ULK4: variants seen among roughly 807,000 people sequenced by gnomAD.
The protein encoded by ULK4 is unc-51 like kinase 4.
In ULK4, 133 loss-of-function variants were observed where a neutral mutation model predicts 160.6. The ratio of observed to expected loss-of-function variants is 0.83; its 90% CI spans 0.72 to 0.96. ULK4 has a LOEUF of 0.96. Among genes scored for constraint, ULK4 ranks in the 40% least tolerant of loss-of-function variants. The pLI, the probability that ULK4 is intolerant of heterozygous loss-of-function variation, is 0.00. For synonymous variants in ULK4, 534 were observed against 539.8 expected, an observed-to-expected ratio of 0.99 and a Z score of 0.15; for missense variants, 1,580 against 1,499.5, an observed-to-expected ratio of 1.05 and a Z score of -0.89.
chr3:41,928,516 T>TA (rs555934775), intron 5 of ULK4, among the ~76,000 whole-genome samples: 353 of 108,672 alleles, frequency 3.2e-3, no homozygotes, highest in African/African-American at 9.7e-3. Flanking sequence ...ATGAAGGAGA[T>TA]ACAGACACGA....
chr3:41,755,341 G>T (rs2038764726), intron 21 of ULK4, among the ~76,000 whole-genome samples: 1 of 152,052 alleles, frequency 6.6e-6, no homozygotes, highest in African/African-American at 2.4e-5. Context: ...TTCCAGGTAG[G>T]AAGAATTTAC....
chr3:41,345,089 A>C lies in ULK4; in HGVS notation c.3678+52990T>G, dbSNP rs138003270. The stretch of plus-strand genomic sequence containing the variant: ...AAACCACGAGATACCGTCTCATGCC[A>C]GTCAGCATGGCTATTATTAAAAAGT... On this transcript the variant is annotated intron_variant, in intron 35 of 36. Transcript: ENST00000301831. Among the ~76,000 whole-genome samples, 4 of 152,336 alleles carry C rather than the reference A, an allele frequency of 2.6e-5. No homozygotes were observed. In the East Asian group the frequency reaches 7.7e-4, roughly 29 times the overall value.
At chr3:41,638,749 TA>T (rs1386348641) in intron 30 of ULK4, among the ~76,000 whole-genome samples, 5 of 152,228 alleles carry the variant, frequency 3.3e-5, no homozygotes, top group Non-Finnish European at 7.3e-5. Context: ...AGACTCTTGA[TA>T]TGGAAGAAGA....
chr3:41,833,023 G>A (rs867854612), intron 18 of ULK4, among the ~76,000 whole-genome samples: 3 of 152,032 alleles, frequency 2.0e-5, no homozygotes, highest in Non-Finnish European at 2.9e-5. Flanking sequence ...TGGGCTCTCT[G>A]TGGTTCCATA....
chr3:41,282,034 G>C (rs1270885838), intron 35 of ULK4, among the ~76,000 whole-genome samples: 1 of 152,082 alleles, frequency 6.6e-6, no homozygotes, highest in African/African-American at 2.4e-5. Context: ...CAAATCATGA[G>C]TGAACTCCCA....
chr3:41,765,256 T>A (rs1393522372), intron 21 of ULK4, among the ~76,000 whole-genome samples: 1 of 152,084 alleles, frequency 6.6e-6, no homozygotes. Flanking sequence ...ATGTCCTTTG[T>A]AGGGACATGG....
intron 19 of ULK4, among the ~76,000 whole-genome samples, chr3:41,807,368 C>T (rs1369532679): frequency 6.6e-6 from 1 of 152,088 alleles, no homozygotes; most frequent in African/African-American, 2.4e-5. Flanking sequence ...GAAATTTTTA[C>T]ATTGCTTGGT....
At chr3:41,901,169 C>CT (rs756499023) in intron 12 of ULK4, among the ~76,000 whole-genome samples, 11 of 95,766 alleles carry the variant, frequency 1.1e-4, no homozygotes, top group African/African-American at 3.1e-4. Flanking sequence ...AACAGCATGG[C>CT]TTCTTTTTTT....
chr3:41,446,570 T>C (rs1340681024), intron 34 of ULK4, among the ~76,000 whole-genome samples: 2 of 152,026 alleles, frequency 1.3e-5, no homozygotes, highest in Non-Finnish European at 2.9e-5. Flanking sequence ...GTTCATGTCC[T>C]TTGTAGGGAC....
intron 2 of ULK4, among the ~76,000 whole-genome samples, chr3:41,941,431 C>T (rs1699952449): frequency 6.6e-6 from 1 of 151,292 alleles, no homozygotes; most frequent in African/African-American, 2.4e-5. Flanking sequence ...GCAGAGCTCC[C>T]CATTTTAAAA....
At position 41,477,792 on chromosome 3, in the gene ULK4, TGGCCAAA is replaced by T. The variant is rs2084190132; in HGVS notation, c.3227-14546_3227-14540del. Among the ~76,000 whole-genome samples the T allele has an allele frequency of 6.6e-5, 10 of 152,348 alleles. No individual in the cohort carries two copies. In the South Asian group the frequency reaches 2.1e-3, roughly 32 times the overall value. On this transcript the variant is annotated intron_variant, in intron 32 of 36. Coordinates refer to ENST00000301831, the MANE Select transcript of ULK4 (RefSeq NM_017886.4). ...AGCACCAAGGGCATGCAGCCTCTTC[TGGCCAAA>T]GGTTAACAAGCAACCACTCACATAC...
At chr3:41,444,106 G>A (rs1031604280) in intron 34 of ULK4, among the ~76,000 whole-genome samples, 69 of 152,166 alleles carry the variant, frequency 4.5e-4, no homozygotes, top group African/African-American at 1.6e-3. Flanking sequence ...TAATCATAAG[G>A]CTTTCGATAC....
At chr3:41,628,290 T>C (rs940806512) in intron 30 of ULK4, among the ~76,000 whole-genome samples, 12 of 152,086 alleles carry the variant, frequency 7.9e-5, no homozygotes, top group African/African-American at 2.9e-4. Context: ...CCCACCAAAA[T>C]ATAAAAAACA....
chr3:41,859,325 A>G (rs1157401140), intron 17 of ULK4: 4 of 589,330 alleles, frequency 6.8e-6, no homozygotes, highest in Middle Eastern at 2.8e-4. Flanking sequence ...TCAAAGACTG[A>G]GCACTGTAGA....
intron 8 of ULK4, among the ~76,000 whole-genome samples, chr3:41,913,403 T>G (rs1404410418): frequency 6.6e-6 from 1 of 152,016 alleles, no homozygotes; most frequent in East Asian, 1.9e-4. Context: ...TTTTTTGTAT[T>G]TTTAGTAGAG....
At chr3:41,256,879 A>G (rs552467006) in intron 35 of ULK4, among the ~76,000 whole-genome samples, 1 of 152,184 alleles carries the variant, frequency 6.6e-6, no homozygotes, top group Non-Finnish European at 1.5e-5. Context: ...TATTTTTAGA[A>G]AGAGGGTCTC....
At chr3:41,820,383 T>C (rs949036839) in intron 18 of ULK4, among the ~76,000 whole-genome samples, 1 of 152,138 alleles carries the variant, frequency 6.6e-6, no homozygotes. Context: ...CGTAGCACTA[T>C]TCACAAGAGC....
chr3:41,928,522 C>A (rs1699467384), intron 5 of ULK4, among the ~76,000 whole-genome samples: 1 of 87,552 alleles, frequency 1.1e-5, no homozygotes, highest in Non-Finnish European at 2.5e-5. Flanking sequence ...GAGATACAGA[C>A]ACGAAAAACC....
chr3:41,805,606 T>C (rs1486251446), intron 19 of ULK4, among the ~76,000 whole-genome samples: 2 of 151,076 alleles, frequency 1.3e-5, no homozygotes, highest in East Asian at 1.9e-4. Flanking sequence ...TTCAGTATGA[T>C]ACTGGCTGTG....
Sources: allele counts gnomAD v4.1 joint callset (sites outside exome capture counted in the v4.1 genomes callset), GRCh38; gene constraint gnomAD v4.1.1; transcripts MANE v1.5; gene names NCBI Gene and HGNC (gene_info 2026-07-23, HGNC 2026-07-21).